The following KIAA1671 variants were observed in gnomAD, a reference collection of about 807,000 sequenced individuals.
The protein encoded by KIAA1671 is KIAA1671.
In KIAA1671, 52 loss-of-function variants were observed where a neutral mutation model predicts 131.2. That is an observed-to-expected ratio of 0.40 (90% CI 0.32 to 0.50). KIAA1671 has a LOEUF of 0.50. Ranked by LOEUF, KIAA1671 falls within the 20% of genes least tolerant of loss-of-function variation. KIAA1671 has a pLI of 0.73. For missense variants in KIAA1671, 2,360 were observed against 2,364.2 expected, an observed-to-expected ratio of 1.00 and a Z score of 0.04; for synonymous variants, 1,003 against 961.6, an observed-to-expected ratio of 1.04 and a Z score of -0.80.
chr22:25,094,460 G>T (rs1014773518), intron 6 of KIAA1671, among the ~76,000 whole-genome samples: 2 of 152,094 alleles, frequency 1.3e-5, no homozygotes, highest in East Asian at 3.9e-4. Flanking sequence ...TCAGCAGGTG[G>T]GAGGCAAGCA....
chr22:25,077,256 G>A (rs1352740961), intron 6 of KIAA1671, among the ~76,000 whole-genome samples: 1 of 152,200 alleles, frequency 6.6e-6, no homozygotes, highest in Non-Finnish European at 1.5e-5. Context: ...CATCATGGCT[G>A]TGGGCATCAG....
chr22:25,005,359 A>G lies in KIAA1671; in HGVS notation c.-207-20274A>G, dbSNP rs547741988. Among the ~76,000 whole-genome samples, 17 of 151,758 alleles carry G rather than the reference A, an allele frequency of 1.1e-4. No individual in the cohort carries two copies. The South Asian group carries it at 2.5e-3, about 22-fold the overall frequency. On this transcript the variant is annotated intron_variant, in intron 1 of 12. Transcript: ENST00000358431. ...CGAGACTCCATCTAAAAAAAAAAAA[A>G]AAAAAGAAAAAAAGAAATTGAAAGG...
intron 6 of KIAA1671, among the ~76,000 whole-genome samples, chr22:25,127,131 C>T (rs1018467112): frequency 4.6e-5 from 7 of 152,156 alleles, no homozygotes; most frequent in Non-Finnish European, 8.8e-5. Flanking sequence ...GCCTCAGTTT[C>T]CCCATCTGTT....
chr22:24,970,226 A>G (rs1358645960), intron 1 of KIAA1671, among the ~76,000 whole-genome samples: 1 of 152,132 alleles, frequency 6.6e-6, no homozygotes, highest in Non-Finnish European at 1.5e-5. Context: ...CTTCTGGAGG[A>G]CAGGCTCGAG....
At chr22:25,144,376 G>A (rs1252277455) in intron 6 of KIAA1671, among the ~76,000 whole-genome samples, 1 of 152,164 alleles carries the variant, frequency 6.6e-6, no homozygotes, top group Non-Finnish European at 1.5e-5. Flanking sequence ...CCAGTGGTCT[G>A]CAGATACACC....
At chr22:25,021,357 C>T (rs1006234867) in intron 1 of KIAA1671, among the ~76,000 whole-genome samples, 3 of 151,944 alleles carry the variant, frequency 2.0e-5, no homozygotes, top group African/African-American at 7.3e-5. Flanking sequence ...TTGCGCCTGG[C>T]CAGAGGCTGA....
chr22:25,178,835 A>G (rs1934143224), intron 9 of KIAA1671, among the ~76,000 whole-genome samples: 3 of 150,670 alleles, frequency 2.0e-5, no homozygotes, highest in Admixed American at 2.0e-4. Context: ...CCCAGACACC[A>G]TCACCCGCCT....
intron 1 of KIAA1671, among the ~76,000 whole-genome samples, chr22:24,955,709 C>T (rs1181906206): frequency 6.6e-6 from 1 of 151,958 alleles, no homozygotes. Context: ...AGGCTGGGGG[C>T]CAGTAAGCAG....
At chr22:25,089,297 A>T (rs1388003742) in intron 6 of KIAA1671, among the ~76,000 whole-genome samples, 3 of 126,772 alleles carry the variant, frequency 2.4e-5, no homozygotes, top group African/African-American at 9.6e-5. Context: ...TTTTGGAGAC[A>T]GAGTTTTGCT....
intron 6 of KIAA1671, among the ~76,000 whole-genome samples, chr22:25,097,388 G>A (rs527924498): frequency 6.6e-6 from 1 of 152,200 alleles, no homozygotes; most frequent in Admixed American, 6.5e-5. Context: ...TCACCAGCTG[G>A]TATTAGTATG....
At position 25,038,887 on chromosome 22, in the gene KIAA1671, G is replaced by T; in HGVS notation, c.1757G>T (p.Arg586Leu). 3 of 1,551,748 alleles carry T rather than the reference G, an allele frequency of 1.9e-6. No homozygotes were observed. The highest frequency in any genetic ancestry group is 2.6e-6 in the Non-Finnish European group (3 of 1,147,006). Residue 586 changes from arginine to leucine, a missense_variant, in exon 5 of 13, where the codon CGC becomes CTC. Physicochemically the swap from Arg to Leu is moderately radical, Grantham distance 102 (BLOSUM62 -2). Transcript: ENST00000358431. Reference sequence around the variant, plus strand: ...TCTAACCAAGACCCCGACAGCTGTCGCGGTGGAAGCTCAGTGGAGGCCCCG... The same window carrying T: ...TCTAACCAAGACCCCGACAGCTGTCTCGGTGGAAGCTCAGTGGAGGCCCCG... ...VSSNQDPDSC[R>L]GGSSVEAPCP...
chr22:25,037,378 A>G (rs1015902956), intron 4 of KIAA1671, among the ~76,000 whole-genome samples: 2 of 136,640 alleles, frequency 1.5e-5, no homozygotes, highest in African/African-American at 7.4e-5. Flanking sequence ...ATATATGTAT[A>G]TATGTGTATA....
At chr22:25,171,275 C>T (rs1933839536) in intron 7 of KIAA1671, among the ~76,000 whole-genome samples, 1 of 152,076 alleles carries the variant, frequency 6.6e-6, no homozygotes, top group Admixed American at 6.6e-5. Flanking sequence ...CAGCGTACCC[C>T]TGTAATCCCA....
At chr22:25,070,351 C>G in intron 6 of KIAA1671, 1 of 484,836 alleles carries the variant, frequency 2.1e-6, no homozygotes, top group South Asian at 4.3e-5. Flanking sequence ...ACCACATAAC[C>G]TCTGGGTGCT....
chr22:25,032,790 G>T, intron 4 of KIAA1671, 94 bp downstream of exon 4: 1 of 726,304 alleles, frequency 1.4e-6, no homozygotes, highest in Non-Finnish European at 2.3e-6. Flanking sequence ...GCCCCAGGAA[G>T]ACTCAGAAAC....
At chr22:25,042,623 T>C (rs1927001404) in intron 5 of KIAA1671, among the ~76,000 whole-genome samples, 1 of 149,176 alleles carries the variant, frequency 6.7e-6, no homozygotes, top group Non-Finnish European at 1.5e-5. Flanking sequence ...CCCGCCATCA[T>C]ACCCGGCTAA....
rs973872143 is a variant in KIAA1671 at position 25,195,717 on chromosome 22, G to A, written c.*3316G>A. On this transcript the variant is annotated 3_prime_UTR_variant, in exon 13 of 13. Coordinates refer to ENST00000358431, the MANE Select transcript of KIAA1671 (RefSeq NM_001145206.2). ...CCAACCTGGTGCTGATAGCTGCTTT[G>A]TTGATCTATGCTTTAAAATTTTTCT... 3.3e-5 allele frequency: 5 copies of A among 152,162 alleles called. No homozygotes were observed. Among genetic ancestry groups the A allele is most frequent in the African/African-American group, 7.2e-5 (3 of 41,438 alleles). 9.4% of individuals were successfully genotyped at this position (152,162 alleles called of 1,614,324 possible).
intron 6 of KIAA1671, among the ~76,000 whole-genome samples, chr22:25,130,973 G>A (rs1932417449): frequency 2.0e-5 from 3 of 152,176 alleles, no homozygotes; most frequent in Admixed American, 2.0e-4. Flanking sequence ...ATATGATTTT[G>A]CTTAAAGAGA....
intron 6 of KIAA1671, among the ~76,000 whole-genome samples, chr22:25,167,794 C>T (rs1337470382): frequency 6.6e-6 from 1 of 152,116 alleles, no homozygotes; most frequent in Non-Finnish European, 1.5e-5. Context: ...ACCTCATTCA[C>T]AGTATTCCCA....
Sources: allele counts gnomAD v4.1 joint callset (sites outside exome capture counted in the v4.1 genomes callset), GRCh38; gene constraint gnomAD v4.1.1; transcripts MANE v1.5; gene names NCBI Gene and HGNC (gene_info 2026-07-23, HGNC 2026-07-21).